Variants in NR2C2 observed in about 807,000 individuals in gnomAD.
NR2C2 encodes the protein Nuclear hormone receptor TR4.
In NR2C2, 6 loss-of-function variants were observed where a neutral mutation model predicts 62.9. The ratio of observed to expected loss-of-function variants is 0.10; its 90% CI spans 0.05 to 0.19. The LOEUF (loss-of-function observed/expected upper bound fraction) is 0.19. Ranked by LOEUF, NR2C2 falls within the 10% of genes least tolerant of loss-of-function variation. The pLI, the probability that NR2C2 is intolerant of heterozygous loss-of-function variation, is 1.00. For missense variants in NR2C2, 479 were observed against 762.7 expected, an observed-to-expected ratio of 0.63 and a Z score of 4.38; for synonymous variants, 272 against 273.8, an observed-to-expected ratio of 0.99 and a Z score of 0.07.
Position 15,013,706 on chromosome 3 carries a change from G to T in NR2C2, c.190G>T (p.Val64Leu). 1 of 1,614,214 alleles carries T rather than the reference G, an allele frequency of 6.2e-7. No homozygotes were observed. Among genetic ancestry groups the T allele is most frequent in the South Asian group, 1.1e-5 (1 of 91,090 alleles). Residue 64 changes from valine (V) to leucine (L), a missense_variant, in exon 3 of 14, where the codon GTG becomes TTG. Val to Leu is a conservative substitution (Grantham distance 32). Around this residue, in one of 4 missense-constraint regions of NR2C2, gnomAD observed 115 missense variants for 152.3 expected, o/e 0.76. Transcript: ENST00000425241. ...CCCAGATGGAGCTGGAACTGGGAAG[G>T]TGATCCTGGCTTCCCCAGAGACATC... Reference protein sequence around the residue: ...TSPDGAGTGKVILASPETSSA... With the variant: ...TSPDGAGTGKLILASPETSSA...
intron 1 of NR2C2, among the ~76,000 whole-genome samples, chr3:14,981,066 G>A (rs754472837): frequency 2.0e-5 from 3 of 152,210 alleles, no homozygotes; most frequent in Admixed American, 6.5e-5. Flanking sequence ...TCAAATTCAC[G>A]TTGCAGAACT....
At chr3:15,031,319 C>T (rs1399166858) in intron 9 of NR2C2, among the ~76,000 whole-genome samples, 1 of 152,150 alleles carries the variant, frequency 6.6e-6, no homozygotes, top group East Asian at 1.9e-4. Flanking sequence ...GTACCTGAAG[C>T]CCTCTCAGTC....
At chr3:15,004,748 A>G in intron 2 of NR2C2, 1 of 1,074,778 alleles carries the variant, frequency 9.3e-7, no homozygotes, top group Middle Eastern at 2.4e-4. Context: ...TTCTTCTTGC[A>G]GTTTTATCAG....
intron 1 of NR2C2, among the ~76,000 whole-genome samples, chr3:14,982,026 C>T (rs779147912): frequency 6.6e-6 from 1 of 152,096 alleles, no homozygotes; most frequent in Non-Finnish European, 1.5e-5. Flanking sequence ...TTGGCAACAC[C>T]CTCACAAACA....
Position 15,028,254 on chromosome 3 carries a change from C to T in NR2C2, c.799-332C>T, listed in dbSNP as rs538154666. 6.9e-4 allele frequency among the ~76,000 whole-genome samples: 105 copies of T among 152,276 alleles called. 2 individuals are homozygous for T. Among genetic ancestry groups the T allele is most frequent in the Non-Finnish European group, 1.2e-3 (85 of 68,012 alleles). On this transcript the variant is annotated intron_variant, in intron 7 of 13. Transcript: ENST00000425241. ...TACTAAACCATTATCAGACATGATTCGCAAATATTTTCTCTCATTCTGTGA... is the reference window on the plus strand; with the variant it reads ...TACTAAACCATTATCAGACATGATTTGCAAATATTTTCTCTCATTCTGTGA...
chr3:14,964,329 A>G (rs2039775138), intron 1 of NR2C2, among the ~76,000 whole-genome samples: 2 of 152,206 alleles, frequency 1.3e-5, no homozygotes, highest in African/African-American at 4.8e-5. Context: ...GAGTGATGGC[A>G]GTCATGGTGG....
At chr3:15,034,506 C>G in intron 10 of NR2C2, 164 bp from the exon 11 acceptor site, 1 of 592,018 alleles carries the variant, frequency 1.7e-6, no homozygotes, top group Non-Finnish European at 2.9e-6. Flanking sequence ...TAGACTTATT[C>G]ATAGACTTCA....
chr3:15,017,454 T>C (rs774119349), intron 4 of NR2C2, among the ~76,000 whole-genome samples: 4 of 152,234 alleles, frequency 2.6e-5, no homozygotes, highest in Non-Finnish European at 5.9e-5. Flanking sequence ...AAACCATGTC[T>C]TACCATCTAT....
intron 11 of NR2C2, among the ~76,000 whole-genome samples, chr3:15,037,258 A>G (rs2042131933): frequency 6.6e-6 from 1 of 151,328 alleles, no homozygotes; most frequent in Admixed American, 6.6e-5. Flanking sequence ...TTTTGTAGAG[A>G]CAGAGTCTCA....
intron 1 of NR2C2, among the ~76,000 whole-genome samples, chr3:14,962,864 A>T (rs776025158): frequency 2.0e-5 from 3 of 152,170 alleles, no homozygotes; most frequent in Non-Finnish European, 2.9e-5. Context: ...ATGTCCATTC[A>T]GCAGTCATTG....
At chr3:14,965,949 G>C (rs1361840673) in intron 1 of NR2C2, among the ~76,000 whole-genome samples, 1 of 152,200 alleles carries the variant, frequency 6.6e-6, no homozygotes, top group East Asian at 1.9e-4. Flanking sequence ...GATTACAGGC[G>C]TGAGCCACCA....
intron 1 of NR2C2, among the ~76,000 whole-genome samples, chr3:14,972,174 CTTT>C (rs527677356): frequency 1.7e-5 from 2 of 117,078 alleles, no homozygotes; most frequent in Admixed American, 1.7e-4. Context: ...CTTTTTCTTT[CTTT>C]TTTTTTTTTT....
intron 3 of NR2C2, among the ~76,000 whole-genome samples, chr3:15,015,134 T>C (rs944983054): frequency 5.3e-5 from 8 of 152,222 alleles, no homozygotes; most frequent in African/African-American, 1.4e-4. Context: ...CCTCCTCCTT[T>C]AGAGTACTCC....
chr3:14,957,551 ATTT>A (rs2039561743), intron 1 of NR2C2, among the ~76,000 whole-genome samples: 1 of 152,132 alleles, frequency 6.6e-6, no homozygotes, highest in Non-Finnish European at 1.5e-5. Context: ...ACCAAGTATG[ATTT>A]ACTACTATCA....
chr3:15,046,364 C>G lies in NR2C2; in HGVS notation c.*3356C>G, dbSNP rs1306953667. 6.6e-6 allele frequency: 1 copy of G among 152,210 alleles called. No individual in the cohort carries two copies. Among genetic ancestry groups the G allele is most frequent in the Non-Finnish European group, 1.5e-5 (1 of 68,036 alleles). 9.4% of individuals were successfully genotyped at this position (152,210 alleles called of 1,614,324 possible). On this transcript the variant is annotated 3_prime_UTR_variant, in exon 14 of 14. Transcript: ENST00000425241. ...GTGTTAACAGTGGATGCGTTAGGCTCCTTAATCTCAAGGCAATATCCACGC... is the reference window on the plus strand; with the variant it reads ...GTGTTAACAGTGGATGCGTTAGGCTGCTTAATCTCAAGGCAATATCCACGC...
intron 5 of NR2C2, among the ~76,000 whole-genome samples, chr3:15,022,468 C>T (rs528644712): frequency 7.0e-6 from 1 of 142,528 alleles, no homozygotes; most frequent in South Asian, 2.2e-4. Flanking sequence ...AGTGGTGCCG[C>T]GTCTTGGCTC....
Position 14,967,851 on chromosome 3 carries a change from T to G in NR2C2, c.-40+19945T>G, listed in dbSNP as rs575901886. On this transcript the variant is annotated intron_variant, in intron 1 of 13. Transcript: ENST00000425241. The stretch of plus-strand genomic sequence containing the variant: ...TAATGCCGCATATCTACAACTATCT[T>G]ATCTTTGACAAACCTGAGAAAAACA... Among the ~76,000 whole-genome samples, 22 of 152,238 alleles carry G rather than the reference T, an allele frequency of 1.4e-4. No homozygotes were observed. In the South Asian group the frequency reaches 3.7e-3, roughly 26 times the overall value.
In NR2C2 at chr3:15,028,684, C is replaced by T; in HGVS notation, c.897C>T (p.Ile299=). The change falls in exon 8 of 14, where the codon ATC becomes ATT. Residue 299 remains isoleucine, a synonymous_variant. Coordinates refer to ENST00000425241, the MANE Select transcript of NR2C2 (RefSeq NM_001291694.2). The part of the protein sequence containing the change: ...ESLNNGDTSE[I]QPEDQSASEI... Reference sequence around the variant, plus strand: ...TGAACAACGGTGACACTTCAGAAATCCAGCCAGAGGACCAGTCTGCAAGTG... The same window carrying T: ...TGAACAACGGTGACACTTCAGAAATTCAGCCAGAGGACCAGTCTGCAAGTG... The T allele has an allele frequency of 6.2e-7, 1 of 1,614,124 alleles. No homozygotes were observed. The highest frequency in any genetic ancestry group is 8.5e-7 in the Non-Finnish European group (1 of 1,179,972).
At chr3:14,983,249 A>G (rs1052309439) in intron 1 of NR2C2, among the ~76,000 whole-genome samples, 1 of 152,142 alleles carries the variant, frequency 6.6e-6, no homozygotes, top group Non-Finnish European at 1.5e-5. Context: ...CATCCCCGCC[A>G]CTACCCTTCC....
Sources: allele counts gnomAD v4.1 joint callset (sites outside exome capture counted in the v4.1 genomes callset), GRCh38; gene constraint gnomAD v4.1.1; regional missense constraint gnomAD v4.1.1; transcripts MANE v1.5; gene names NCBI Gene and HGNC (gene_info 2026-07-23, HGNC 2026-07-21).